SEMA3A: variants seen among roughly 807,000 people sequenced by gnomAD.
The protein encoded by SEMA3A is semaphorin-3A.
SEMA3A carries 29 observed loss-of-function variants against 97.9 expected under a neutral mutation model. The observed-to-expected ratio is 0.30, with a 90% CI of 0.22 to 0.40. SEMA3A has a LOEUF of 0.40. Among genes scored for constraint, SEMA3A ranks in the 10% least tolerant of loss-of-function variants. The probability of loss-of-function intolerance (pLI) is 1.00; values close to 1 mark genes in which losing one functional copy is unlikely to be tolerated. For synonymous variants in SEMA3A, 321 were observed against 323.7 expected (o/e 0.99, Z 0.09); for missense variants, 763 against 951.3 (o/e 0.80, Z 2.60).
At chr7:84,005,714 G>A (rs998388939) in intron 10 of SEMA3A, among the ~76,000 whole-genome samples, 156 bp from the exon 11 acceptor site, 4 of 152,134 alleles carry the variant, frequency 2.6e-5, no homozygotes, top group East Asian at 1.9e-4. Flanking sequence ...TTGAGAGGCC[G>A]ATGCGGGTGG....
chr7:84,112,143 G>T (rs1234098368), intron 3 of SEMA3A, among the ~76,000 whole-genome samples: 3 of 152,142 alleles, frequency 2.0e-5, no homozygotes, highest in Non-Finnish European at 2.9e-5. Context: ...CATTTGCAAA[G>T]AAGCCATTTT....
chr7:84,390,252 A>T (rs1478125972), intron 1 of SEMA3A, among the ~76,000 whole-genome samples: 1 of 151,426 alleles, frequency 6.6e-6, no homozygotes, highest in Non-Finnish European at 1.5e-5. Context: ...TTCAAATCCC[A>T]ATGCCGTTAT....
At chr7:84,271,887 G>A (rs1408657830) in intron 3 of SEMA3A, among the ~76,000 whole-genome samples, 1 of 152,032 alleles carries the variant, frequency 6.6e-6, no homozygotes, top group Non-Finnish European at 1.5e-5. Flanking sequence ...GCTTCACCTA[G>A]TTCAATCTTT....
chr7:84,200,492 G>A (rs181555828), intron 3 of SEMA3A, among the ~76,000 whole-genome samples: 155 of 152,160 alleles, frequency 1.0e-3, no homozygotes, highest in African/African-American at 3.5e-3. Context: ...AGTGACAAGA[G>A]AAGGGATGCA....
At chr7:84,049,609 G>A (rs1370275729) in intron 5 of SEMA3A, among the ~76,000 whole-genome samples, 1 of 151,960 alleles carries the variant, frequency 6.6e-6, no homozygotes, top group Non-Finnish European at 1.5e-5. Flanking sequence ...TTATTTTGGA[G>A]AATAGATATA....
At chr7:84,362,430 T>C (rs558678448) in intron 2 of SEMA3A, among the ~76,000 whole-genome samples, 115 of 152,118 alleles carry the variant, frequency 7.6e-4, no homozygotes, top group African/African-American at 2.7e-3. Flanking sequence ...ATCGTCAATA[T>C]TGGAAGACAT....
chr7:84,136,813 C>T (rs1796137453), intron 1 of SEMA3A, among the ~76,000 whole-genome samples: 1 of 151,522 alleles, frequency 6.6e-6, no homozygotes, highest in African/African-American at 2.4e-5. Flanking sequence ...AAATTGTTAA[C>T]AAATTGTTAA....
chr7:84,136,801 A>G (rs1350011658), intron 1 of SEMA3A, among the ~76,000 whole-genome samples: 1 of 152,110 alleles, frequency 6.6e-6, no homozygotes, highest in Admixed American at 6.6e-5. Context: ...TCCTATAGAC[A>G]AAAATTGTTA....
At chr7:84,454,629 C>T (rs1040583266) in intron 1 of SEMA3A, among the ~76,000 whole-genome samples, 2 of 151,974 alleles carry the variant, frequency 1.3e-5, no homozygotes, top group African/African-American at 4.8e-5. Flanking sequence ...ATTGTATATT[C>T]ATGTAATACA....
rs933564706 is a variant in SEMA3A, at chr7:84,351,430, G to A, written c.-169+20394C>T. ...ATGATAACTTTTACCTCCATATTCC[G>A]GAAAATGTAAACAGTATTTTGAAAA... is the stretch of plus-strand genomic sequence containing the variant. On this transcript the variant is annotated intron_variant, in intron 2 of 3. Transcript: ENST00000424555. Among the ~76,000 whole-genome samples the A allele has an allele frequency of 4.6e-5, 7 of 151,722 alleles. No homozygotes were observed. In the East Asian group the frequency reaches 5.8e-4, roughly 13 times the overall value.
At chr7:84,341,223 T>C (rs1417632885) in intron 2 of SEMA3A, among the ~76,000 whole-genome samples, 1 of 152,218 alleles carries the variant, frequency 6.6e-6, no homozygotes, top group Non-Finnish European at 1.5e-5. Context: ...TCTCCCTTGT[T>C]CCGGCTGTTA....
chr7:84,048,015 C>G (rs1049235663), intron 5 of SEMA3A, among the ~76,000 whole-genome samples: 8 of 151,866 alleles, frequency 5.3e-5, no homozygotes, highest in Admixed American at 3.9e-4. Flanking sequence ...TGTTATTACT[C>G]TAAACATCCA....
chr7:84,029,894 A>T (rs1172082850), intron 6 of SEMA3A, among the ~76,000 whole-genome samples: 1 of 152,114 alleles, frequency 6.6e-6, no homozygotes, highest in Non-Finnish European at 1.5e-5. Context: ...AGACACGAAG[A>T]CAAAACAGAT....
At chr7:84,222,003 G>C (rs1009813018) in intron 3 of SEMA3A, among the ~76,000 whole-genome samples, 1 of 151,730 alleles carries the variant, frequency 6.6e-6, no homozygotes, top group Non-Finnish European at 1.5e-5. Context: ...AGATACGCCC[G>C]TATATCAATA....
intron 3 of SEMA3A, among the ~76,000 whole-genome samples, chr7:84,304,022 T>C (rs2115836781): frequency 1.3e-5 from 2 of 152,280 alleles, no homozygotes. Context: ...CATATTTCCA[T>C]ACCAAAGGTT....
At chr7:83,963,736 C>T (rs1379572351) in intron 15 of SEMA3A, among the ~76,000 whole-genome samples, 1 of 152,080 alleles carries the variant, frequency 6.6e-6, no homozygotes, top group African/African-American at 2.4e-5. Context: ...TTCTGTAACA[C>T]AAAAAGTTAT....
chr7:84,392,697 G>A (rs1288370937), intron 1 of SEMA3A, among the ~76,000 whole-genome samples: 1 of 152,126 alleles, frequency 6.6e-6, no homozygotes, highest in Non-Finnish European at 1.5e-5. Context: ...ACATCCTGCT[G>A]ACACTTATTA....
chr7:84,008,862 A>G (rs1279617393), intron 9 of SEMA3A, among the ~76,000 whole-genome samples: 1 of 152,182 alleles, frequency 6.6e-6, no homozygotes, highest in African/African-American at 2.4e-5. Flanking sequence ...TCATAGCAGA[A>G]CAAATAGCAA....
chr7:84,094,915 T>C (rs181977420), intron 4 of SEMA3A, among the ~76,000 whole-genome samples: 1 of 152,042 alleles, frequency 6.6e-6, no homozygotes, highest in African/African-American at 2.4e-5. Flanking sequence ...GGAAAACTGA[T>C]AGAAGTCTAC....
Sources: gnomAD v4.1 joint callset for allele counts (sites outside exome capture counted in the v4.1 genomes callset) on GRCh38, gnomAD v4.1.1 for gene constraint, MANE v1.5 for transcripts, NCBI Gene and HGNC (gene_info 2026-07-23, HGNC 2026-07-21) for gene names.